The following PCNX1 variants were observed in gnomAD, a reference collection of about 807,000 sequenced individuals.
PCNX1 encodes the protein pecanex 1, also known as pecanex-like protein 1.
A neutral mutation model predicts 242.2 loss-of-function variants in PCNX1; 78 were observed. The ratio of observed to expected loss-of-function variants is 0.32; its 90% confidence interval spans 0.27 to 0.39. The LOEUF is 0.39. Ranked by LOEUF, PCNX1 falls within the 10% of genes least tolerant of loss-of-function variation. The pLI is 1.00. For missense variants in PCNX1, 2,581 were observed against 2,856.5 expected, an observed-to-expected ratio of 0.90 and a Z score of 2.20; for synonymous variants, 1,024 against 1,032.9, an observed-to-expected ratio of 0.99 and a Z score of 0.17.
At chr14:70,918,136 A>G (rs534988618) in intron 1 of PCNX1, among the ~76,000 whole-genome samples, 2 of 152,178 alleles carry the variant, frequency 1.3e-5, no homozygotes, top group Admixed American at 6.5e-5. Context: ...TATTCAGACC[A>G]CTCAAACTTT....
chr14:71,098,357 A>G (rs1490701288), intron 30 of PCNX1, among the ~76,000 whole-genome samples: 1 of 152,136 alleles, frequency 6.6e-6, no homozygotes, highest in South Asian at 2.1e-4. Flanking sequence ...GAAGCTGTAG[A>G]TTGCCTTGGG....
At chr14:70,961,197 C>T (rs2140469128) in intron 2 of PCNX1, among the ~76,000 whole-genome samples, 1 of 152,142 alleles carries the variant, frequency 6.6e-6, no homozygotes, top group East Asian at 1.9e-4. Context: ...AAAAAGAGCC[C>T]ACATCGCCAA....
intron 12 of PCNX1, among the ~76,000 whole-genome samples, chr14:71,019,979 G>C (rs928789211): frequency 3.5e-5 from 5 of 144,044 alleles, no homozygotes; most frequent in African/African-American, 1.0e-4. Context: ...TCCCCTCCTT[G>C]TGTCCATGTG....
intron 33 of PCNX1, among the ~76,000 whole-genome samples, chr14:71,105,702 C>T (rs531229217): frequency 1.1e-4 from 16 of 151,564 alleles, no homozygotes; most frequent in South Asian, 6.3e-4. Flanking sequence ...CCACCACGCC[C>T]GGCTATTTTT....
At chr14:71,109,373 A>T (rs2062707301) in intron 34 of PCNX1, 79 bp from the exon 35 acceptor site, 1 of 1,286,390 alleles carries the variant, frequency 7.8e-7, no homozygotes, top group Admixed American at 2.3e-5. Flanking sequence ...CTCTCTGTGA[A>T]AAGCATTTTG....
chr14:71,110,049 G>C lies in PCNX1; in HGVS notation c.*114G>C. ...TATCACTTTGATCCTATGTGGGAGCGACTGAAAATAGAATGAGCTTGGTTA... is the reference window on the plus strand; with the variant it reads ...TATCACTTTGATCCTATGTGGGAGCCACTGAAAATAGAATGAGCTTGGTTA... On this transcript the variant is annotated 3_prime_UTR_variant, in exon 36 of 36. Transcript: ENST00000304743. 1.1e-6 allele frequency: 1 copy of C among 950,876 alleles called. No individual in the cohort carries two copies. The highest frequency in any genetic ancestry group is 1.7e-6 in the Non-Finnish European group (1 of 589,684). 58.9% of individuals were successfully genotyped at this position (950,876 alleles called of 1,614,324 possible).
intron 19 of PCNX1, among the ~76,000 whole-genome samples, chr14:71,042,220 CT>C (rs2060726662): frequency 6.6e-6 from 1 of 152,098 alleles, no homozygotes; most frequent in African/African-American, 2.4e-5. Context: ...TCTGATATTT[CT>C]TTGTTGATTT....
chr14:70,947,268 C>T, intron 2 of PCNX1, 145 bp downstream of exon 2: 1 of 648,968 alleles, frequency 1.5e-6, no homozygotes, highest in East Asian at 2.7e-5. Flanking sequence ...ATGATGGGTA[C>T]ATATTTTAAT....
At position 71,057,559 on chromosome 14, in the gene PCNX1, T is replaced by A; in HGVS notation, c.4687T>A (p.Ser1563Thr). Residue 1563 changes from serine (S) to threonine (T), a missense_variant, in exon 26 of 36, where the codon TCC (serine) becomes ACC (threonine). Coordinates refer to ENST00000304743, the MANE Select transcript of PCNX1 (RefSeq NM_014982.3). ...CATCTTTTATGAGCATTTAACTAGATCCCTACAGCACAGCCTCTGTGGTGA... is the reference window on the plus strand; with the variant it reads ...CATCTTTTATGAGCATTTAACTAGAACCCTACAGCACAGCCTCTGTGGTGA... ...NSIFYEHLTR[S>T]LQHSLCGDLL... is the part of the protein sequence containing the mutation. The A allele has an allele frequency of 1.9e-6, 3 of 1,613,762 alleles. No individual in the cohort carries two copies. Among genetic ancestry groups the A allele is most frequent in the Non-Finnish European group, 1.7e-6 (2 of 1,179,670 alleles).
At chr14:71,001,261 G>A (rs1015739591) in intron 8 of PCNX1, among the ~76,000 whole-genome samples, 1 of 152,134 alleles carries the variant, frequency 6.6e-6, no homozygotes, top group Admixed American at 6.6e-5. Context: ...CAGCAGCTGT[G>A]ATTTTTTTCT....
chr14:70,911,107 G>A (rs1287810878), intron 1 of PCNX1, among the ~76,000 whole-genome samples: 1 of 152,184 alleles, frequency 6.6e-6, no homozygotes, highest in Non-Finnish European at 1.5e-5. Context: ...GTTATTATTT[G>A]CATGCTCTTA....
At chr14:71,093,998 T>C (rs2062206042) in intron 30 of PCNX1, among the ~76,000 whole-genome samples, 1 of 152,238 alleles carries the variant, frequency 6.6e-6, no homozygotes, top group Non-Finnish European at 1.5e-5. Context: ...CAGTAAGGTA[T>C]TTGTATTTAA....
chr14:71,026,705 C>G (rs564292389), intron 14 of PCNX1, 67 bp from the exon 15 acceptor site: 1 of 640,022 alleles, frequency 1.6e-6, no homozygotes, highest in East Asian at 3.0e-5. Context: ...AAAATTATGA[C>G]CTCTCAGTGG....
chr14:71,059,674 C>T (rs375825510), intron 26 of PCNX1, among the ~76,000 whole-genome samples: 20 of 152,074 alleles, frequency 1.3e-4, no homozygotes, highest in East Asian at 5.8e-4. Flanking sequence ...ATTGTAGGTG[C>T]GAGCCACCAC....
Position 71,047,981 on chromosome 14 carries a change from C to T in PCNX1, c.4335C>T (p.Asn1445=). 6.2e-7 allele frequency: 1 copy of T among 1,606,332 alleles called. No homozygotes were observed. Among genetic ancestry groups the T allele is most frequent in the South Asian group, 1.1e-5 (1 of 90,606 alleles). Residue 1445 remains asparagine, a synonymous_variant, in exon 22 of 36, where the codon AAC becomes AAT. Transcript: ENST00000304743. The part of the protein sequence containing the change: ...LDLFFMSILF[N]KLWELLYKLQ... Reference sequence around the variant, plus strand: ...TCTTCTTTATGTCCATACTCTTCAACAAGGTAATTTATCACTGAAAGGAAT... The same window carrying T: ...TCTTCTTTATGTCCATACTCTTCAATAAGGTAATTTATCACTGAAAGGAAT...
Position 70,946,974 on chromosome 14 carries a change from C to G in PCNX1, c.213C>G (p.Phe71Leu). ...ATTGTCCTGTGATAGCTGCTGTTTT[C>G]ATTGTTCTGAAGATGGTCAACTATC... ...AVYCPVIAAV[F>L]IVLKMVNYRL... The change falls in exon 2 of 36, where the codon TTC becomes TTG. Residue 71 changes from phenylalanine (F) to leucine (L), a missense_variant. This residue lies in a region of PCNX1 where 1,204 missense variants were observed against 1,216.7 expected (regional missense o/e 0.99). Transcript: ENST00000304743. 1 of 1,613,902 alleles carries G rather than the reference C, an allele frequency of 6.2e-7. No individual in the cohort carries two copies. Among genetic ancestry groups the G allele is most frequent in the East Asian group, 2.2e-5 (1 of 44,866 alleles).
intron 1 of PCNX1, among the ~76,000 whole-genome samples, chr14:70,942,553 T>A (rs1382947484): frequency 6.6e-6 from 1 of 152,158 alleles, no homozygotes; most frequent in South Asian, 2.1e-4. Context: ...ACCAGCTGGG[T>A]ATCCTCCAAT....
rs2062752753 is a variant in PCNX1 at position 71,111,471 on chromosome 14, C to A, written c.*1536C>A. On this transcript the variant is annotated 3_prime_UTR_variant, in exon 36 of 36. Coordinates refer to ENST00000304743, the MANE Select transcript of PCNX1 (RefSeq NM_014982.3). ...TATAGTCAAAGTATTACTATTTCAT[C>A]ATATGTCACTAGCCATATTTCAAGT... 6.6e-6 allele frequency: 1 copy of A among 152,428 alleles called. No individual in the cohort carries two copies. Among genetic ancestry groups the A allele is most frequent in the Non-Finnish European group, 1.5e-5 (1 of 67,984 alleles). 9.4% of individuals were successfully genotyped at this position (152,428 alleles called of 1,614,324 possible). A position where few individuals can be genotyped will look rare whatever the true frequency, so the allele number is the denominator to read the frequency against.
chr14:71,084,318 GCACAGGGGTCAGGGACC>G, intron 28 of PCNX1, among the ~76,000 whole-genome samples: 1 of 152,330 alleles, frequency 6.6e-6, no homozygotes, highest in African/African-American at 2.4e-5. Context: ...CAGTCAGGAT[GCACAGGGGTCAGGGACC>G]CACTTGAGGA....
Sources: allele counts gnomAD v4.1 joint callset (sites outside exome capture counted in the v4.1 genomes callset), GRCh38; gene constraint gnomAD v4.1.1; regional missense constraint gnomAD v4.1.1; transcripts MANE v1.5; gene names NCBI Gene and HGNC (gene_info 2026-07-23, HGNC 2026-07-21).